Variants in ENO3 observed in about 807,000 individuals in gnomAD.
The protein encoded by ENO3 is beta-enolase.
In ENO3, 46 loss-of-function variants were observed where a neutral mutation model predicts 47.7. That is an observed-to-expected ratio of 0.96 (90% CI 0.76 to 1.23). ENO3 has a LOEUF of 1.23. ENO3 is among the 50% of genes most tolerant of loss of function. ENO3 has a pLI of 0.00. For missense variants in ENO3, 575 were observed against 566.2 expected (o/e 1.02, Z -0.16); for synonymous variants, 223 against 225.9 (o/e 0.99, Z 0.11).
chr17:4,953,015 G>C lies in ENO3; in HGVS notation c.182-36G>C, dbSNP rs369407375. On this transcript the variant is annotated intron_variant, in intron 3 of 11. Coordinates refer to ENST00000519602, the MANE Select transcript of ENO3 (RefSeq NM_053013.4). ...GGGGTCCACAGAAAGGGGCCCAGTT[G>C]ATTGAGCTCCAAAACTCATCCTCTG... is the stretch of plus-strand genomic sequence containing the variant. The C allele has an allele frequency of 2.3e-5, 37 of 1,613,902 alleles. No individual in the cohort carries two copies. In the Middle Eastern group the frequency reaches 2.3e-3, roughly 101 times the overall value.
chr17:4,950,827 G>GA (rs1971519271), upstream of ENO3, among the ~76,000 whole-genome samples: 1 of 152,102 alleles, frequency 6.6e-6, no homozygotes. Context: ...TTTGCAAAAG[G>GA]GGAATGTAAT....
intron 2 of ENO3, 71 bp downstream of exon 2, chr17:4,951,985 G>T: frequency 6.6e-7 from 1 of 1,518,646 alleles, no homozygotes. Flanking sequence ...CCCCAGTTCT[G>T]TGCCATATCC....
intron 9 of ENO3, chr17:4,956,350 C>A (rs1264751463): frequency 4.1e-6 from 3 of 738,782 alleles, no homozygotes; most frequent in Admixed American, 4.4e-5. Context: ...ACCCCCCACC[C>A]CCAGCCCACA....
chr17:4,957,019 G>A lies in ENO3; in HGVS notation c.1277G>A (p.Arg426His), dbSNP rs750306194. The stretch of plus-strand genomic sequence containing the variant: ...GGGGACAAGGCAATCTTTGCTGGAC[G>A]CAAGTTCCGTAACCCGAAGGCCAAG... ...ALGDKAIFAGRKFRNPKAK is the reference protein window; with the variant it reads ...ALGDKAIFAGHKFRNPKAK Residue 426 changes from arginine (R) to histidine (H), a missense_variant, in exon 12 of 12, where the codon CGC becomes CAC. Transcript: ENST00000519602. The A allele has an allele frequency of 7.4e-6, 12 of 1,614,062 alleles. No individual in the cohort carries two copies. The highest frequency in any genetic ancestry group is 4.4e-5 in the South Asian group (4 of 91,076).
Position 4,956,639 on chromosome 17 carries a change from C to T in ENO3, c.1134C>T (p.Asp378=). Residue 378 remains aspartate, a synonymous_variant, in exon 10 of 12, where the codon GAC becomes GAT. Coordinates refer to ENST00000519602, the MANE Select transcript of ENO3 (RefSeq NM_053013.4). ...GCCACCGCTCTGGGGAGACTGAGGACACATTCATTGCTGACCTTGTGGTGG... is the reference window on the plus strand; with the variant it reads ...GCCACCGCTCTGGGGAGACTGAGGATACATTCATTGCTGACCTTGTGGTGG... The part of the protein sequence containing the change: ...MVSHRSGETE[D]TFIADLVVGL... The T allele has an allele frequency of 6.2e-7, 1 of 1,614,196 alleles. No homozygotes were observed. Among genetic ancestry groups the T allele is most frequent in the East Asian group, 2.2e-5 (1 of 44,884 alleles).
At chr17:4,956,438 C>G (rs1343892150) in intron 9 of ENO3, 135 bp from the exon 10 acceptor site, 1 of 905,524 alleles carries the variant, frequency 1.1e-6, no homozygotes, top group African/African-American at 1.6e-5. Context: ...TCCTCTCCTA[C>G]TTCCCAAAGA....
In ENO3 at chr17:4,953,280, C is replaced by T. The variant is rs145859308; in HGVS notation, c.249C>T (p.Ser83=). ...LGPALLQKKL[S]VVDQEKVDKF... ...CAAACTCACCCTTCCAGAAACTAAG[C>T]GTTGTGGATCAAGAAAAAGTTGACA... Residue 83 remains serine (S), a synonymous_variant, in exon 5 of 12, where the codon AGC becomes AGT. Coordinates refer to ENST00000519602, the MANE Select transcript of ENO3 (RefSeq NM_053013.4). 2.6e-4 allele frequency: 419 copies of T among 1,614,036 alleles called. No homozygotes were observed. The highest frequency in any genetic ancestry group is 3.2e-4 in the Non-Finnish European group (373 of 1,180,042).
intron 9 of ENO3, 74 bp downstream of exon 9, chr17:4,956,217 T>A: frequency 6.5e-7 from 1 of 1,550,026 alleles, no homozygotes; most frequent in Admixed American, 1.8e-5. Context: ...GCTACAGTCT[T>A]ACCCACCAAC....
intron 2 of ENO3, 35 bp from the exon 3 acceptor site, chr17:4,952,760 C>T (rs780062190): frequency 1.1e-5 from 18 of 1,584,334 alleles, no homozygotes; most frequent in Middle Eastern, 1.7e-4. Context: ...CCGCGCCCAG[C>T]CATCCCTGTG....
At chr17:4,948,762 T>C (rs1014193579), upstream of ENO3, 5 of 261,942 alleles carry the variant, frequency 1.9e-5, no homozygotes, top group Admixed American at 5.7e-5. Context: ...GGGAGAGAGG[T>C]GAAGGGTAGG....
At chr17:4,952,286 T>C (rs970175789) in intron 2 of ENO3, 3 of 363,340 alleles carry the variant, frequency 8.3e-6, no homozygotes, top group African/African-American at 6.4e-5. Flanking sequence ...AAGTGATTCT[T>C]GTGCCTCAGC....
upstream of ENO3, chr17:4,950,950 C>G: frequency 1.1e-6 from 1 of 874,914 alleles, no homozygotes; most frequent in Non-Finnish European, 1.4e-6. Flanking sequence ...AGTAGTTGAC[C>G]TTTGGTAAGG....
At chr17:4,956,469 G>A in intron 9 of ENO3, 104 bp from the exon 10 acceptor site, 3 of 1,118,942 alleles carry the variant, frequency 2.7e-6, no homozygotes, top group Non-Finnish European at 4.1e-6. Context: ...TGCCCTCCCT[G>A]CAGAGTGCTT....
At chr17:4,954,655 C>T (rs759415283) in intron 6 of ENO3, among the ~76,000 whole-genome samples, 1 of 152,194 alleles carries the variant, frequency 6.6e-6, no homozygotes, top group Non-Finnish European at 1.5e-5. Flanking sequence ...TGGCTCACGC[C>T]TGTAATCCCA....
chr17:4,950,664 C>T (rs1377979480), upstream of ENO3: 16 of 985,084 alleles, frequency 1.6e-5, no homozygotes, highest in African/African-American at 1.8e-5. Context: ...GTGGGGGGTC[C>T]CGTCCTTTCC....
At chr17:4,956,772 A>G in intron 10 of ENO3, 59 bp from the exon 11 acceptor site, 2 of 1,614,102 alleles carry the variant, frequency 1.2e-6, no homozygotes, top group Non-Finnish European at 1.7e-6. Flanking sequence ...CCTTGGGGCC[A>G]GGTCCAACCC....
rs144524946 is a variant in ENO3 at position 4,955,544 on chromosome 17, C to T, written c.805C>T (p.Arg269Trp). ...LDFKSPDDPA[R>W]HITGEKLGEL... is the part of the protein sequence containing the mutation. Reference sequence around the variant, plus strand: ...CTTCAAGTCGCCTGATGATCCCGCACGGCACATCACTGGGGAGAAGCTCGG... The same window carrying T: ...CTTCAAGTCGCCTGATGATCCCGCATGGCACATCACTGGGGAGAAGCTCGG... The change falls in exon 8 of 12, where the codon CGG becomes TGG. Residue 269 changes from arginine (R) to tryptophan (W), a missense_variant. Physicochemically the swap from Arg to Trp is moderately radical, Grantham distance 101. Coordinates refer to ENST00000519602, the MANE Select transcript of ENO3 (RefSeq NM_053013.4). 2.3e-5 allele frequency: 37 copies of T among 1,614,088 alleles called. No individual in the cohort carries two copies. Among genetic ancestry groups the T allele is most frequent in the Admixed American group, 6.7e-5 (4 of 60,006 alleles).
At chr17:4,951,975 C>G in intron 2 of ENO3, 61 bp downstream of exon 2, 5 of 1,574,632 alleles carry the variant, frequency 3.2e-6, no homozygotes, top group Non-Finnish European at 2.6e-6. Context: ...GGCCTTTGCC[C>G]CCCAGTTCTG....
At chr17:4,951,610 A>G (rs1203054445) in intron 1 of ENO3, 8 of 559,768 alleles carry the variant, frequency 1.4e-5, no homozygotes, top group Non-Finnish European at 2.6e-5. Context: ...AGCTATAGAT[A>G]AGAGGCCCCT....
Sources: gnomAD v4.1 joint callset for allele counts (sites outside exome capture counted in the v4.1 genomes callset) on GRCh38, gnomAD v4.1.1 for gene constraint, MANE v1.5 for transcripts, NCBI Gene and HGNC (gene_info 2026-07-23, HGNC 2026-07-21) for gene names.